The following FRMPD4 variants were observed in gnomAD, a reference collection of about 807,000 sequenced individuals.
The protein encoded by FRMPD4 is FERM and PDZ domain containing 4, also known as FERM and PDZ domain-containing protein 4.
FRMPD4 carries 22 observed loss-of-function variants against 94.1 expected under a neutral mutation model. The observed-to-expected ratio is 0.23, with a 90% CI of 0.17 to 0.33. FRMPD4 has a LOEUF of 0.33. Among genes scored for constraint, FRMPD4 ranks in the 10% least tolerant of loss-of-function variants. The pLI is 1.00. For synonymous variants in FRMPD4, 631 were observed against 548.6 expected (o/e 1.15, Z -2.10); for missense variants, 1,111 against 1,339.9 (o/e 0.83, Z 2.67).
intron 4 of FRMPD4, among the ~76,000 whole-genome samples, chrX:12,644,236 A>AT (rs899760565): frequency 9.1e-6 from 1 of 109,935 alleles, no homozygotes; most frequent in East Asian, 2.8e-4. Context: ...CACCTGGCTA[A>AT]TTTTTTTTTA....
intron 2 of FRMPD4, among the ~76,000 whole-genome samples, chrX:12,576,517 G>A (rs765753757): frequency 1.8e-5 from 2 of 112,765 alleles, no homozygotes; most frequent in Non-Finnish European, 3.7e-5. Context: ...CTCCATTTGT[G>A]AAACAAGAAA....
At chrX:12,593,201 G>A (rs2058998861) in intron 2 of FRMPD4, among the ~76,000 whole-genome samples, 1 of 112,004 alleles carries the variant, frequency 8.9e-6, no homozygotes, top group Non-Finnish European at 1.9e-5. Flanking sequence ...TGTGGGTCTG[G>A]AAATGTCTTT....
chrX:12,231,557 T>C (rs1290982596), intron 1 of FRMPD4, among the ~76,000 whole-genome samples: 1 of 110,939 alleles, frequency 9.0e-6, no homozygotes, highest in Non-Finnish European at 1.9e-5. Context: ...AGTTAAATGA[T>C]TAGTAGTTGC....
chrX:12,708,347 G>A (rs181122842), intron 13 of FRMPD4, among the ~76,000 whole-genome samples: 78 of 109,570 alleles, frequency 7.1e-4, no homozygotes, highest in African/African-American at 2.3e-3. Flanking sequence ...GCGTGCACCT[G>A]TAATCCCAGC....
intron 2 of FRMPD4, among the ~76,000 whole-genome samples, chrX:12,564,828 TGAGAGAGAGAGAGAGA>T (rs62871260): frequency 9.7e-6 from 1 of 103,300 alleles, no homozygotes; most frequent in African/African-American, 3.5e-5. Context: ...AGGAAATGCT[TGAGAGAGAGAGAGAGA>T]GAGAGAGAGA....
intron 1 of FRMPD4, among the ~76,000 whole-genome samples, chrX:12,165,570 T>A (rs1398567752): frequency 1.8e-5 from 2 of 112,083 alleles, no homozygotes; most frequent in Non-Finnish European, 3.8e-5. Flanking sequence ...AAGGTGGCTT[T>A]TTCCAATTCT....
intron 1 of FRMPD4, among the ~76,000 whole-genome samples, chrX:12,418,368 T>TC (rs1239726932): frequency 3.9e-5 from 4 of 101,741 alleles, no homozygotes; most frequent in African/African-American, 1.4e-4. Context: ...TTTTTTTTTT[T>TC]CTTTTTTTGA....
At chrX:12,309,782 A>G (rs758281643) in intron 1 of FRMPD4, among the ~76,000 whole-genome samples, 1 of 112,853 alleles carries the variant, frequency 8.9e-6, no homozygotes, top group Non-Finnish European at 1.9e-5. Context: ...GTCCTCTTAC[A>G]TGATACCTTG....
chrX:12,592,255 G>C (rs1298394883), intron 2 of FRMPD4, among the ~76,000 whole-genome samples: 1 of 111,497 alleles, frequency 9.0e-6, no homozygotes, highest in Admixed American at 9.5e-5. Flanking sequence ...TCTATTCTTC[G>C]TCGAACCTAA....
intron 3 of FRMPD4, among the ~76,000 whole-genome samples, chrX:12,027,399 C>T (rs749296725): frequency 3.0e-4 from 34 of 111,839 alleles, no homozygotes; most frequent in Non-Finnish European, 6.2e-4. Flanking sequence ...TTTCCTCAAC[C>T]ACATAAATAT....
chrX:12,251,563 G>A lies in FRMPD4; in HGVS notation c.41+112551G>A, dbSNP rs759740251. On this transcript the variant is annotated intron_variant, in intron 1 of 16. Coordinates refer to ENST00000675598, the MANE Select transcript of FRMPD4 (RefSeq NM_001368397.1). ...GCTCAGGCCGAAGCTACCCCTATGA[G>A]ACATTTCCAGGGTTCTGTTCTTCTT... Among the ~76,000 whole-genome samples, 281 of 111,777 alleles carry A rather than the reference G, an allele frequency of 2.5e-3. 2 individuals carry two copies. Among genetic ancestry groups the A allele is most frequent in the Non-Finnish European group, 4.6e-3 (246 of 53,121 alleles).
At chrX:12,204,872 CT>C (rs1478824935) in intron 1 of FRMPD4, among the ~76,000 whole-genome samples, 2 of 111,027 alleles carry the variant, frequency 1.8e-5, no homozygotes, top group Non-Finnish European at 3.8e-5. Flanking sequence ...CACTTGCCAT[CT>C]CCCGCATTCC....
intron 1 of FRMPD4, among the ~76,000 whole-genome samples, chrX:12,165,867 A>T (rs1433639625): frequency 9.0e-6 from 1 of 111,126 alleles, no homozygotes; most frequent in Non-Finnish European, 1.9e-5. Flanking sequence ...TTATTGGTGT[A>T]TAAGAATGCT....
At chrX:11,873,508 C>T (rs1028742991) in intron 2 of FRMPD4, among the ~76,000 whole-genome samples, 1 of 110,613 alleles carries the variant, frequency 9.0e-6, no homozygotes, top group Non-Finnish European at 1.9e-5. Flanking sequence ...GAATGTTACT[C>T]TTTGCTGCCC....
intron 1 of FRMPD4, among the ~76,000 whole-genome samples, chrX:12,175,153 G>A (rs1475150981): frequency 5.3e-5 from 6 of 112,159 alleles, no homozygotes; most frequent in African/African-American, 1.3e-4. Flanking sequence ...GGTAGGATTT[G>A]TTTAAAGTTT....
At chrX:12,052,095 A>C (rs948598203) in intron 3 of FRMPD4, among the ~76,000 whole-genome samples, 1 of 111,962 alleles carries the variant, frequency 8.9e-6, no homozygotes, top group African/African-American at 3.2e-5. Context: ...TTTTTTAACC[A>C]TATGAGATAT....
chrX:11,854,259 A>G (rs1404083887), intron 1 of FRMPD4, among the ~76,000 whole-genome samples: 1 of 111,496 alleles, frequency 9.0e-6, no homozygotes, highest in Non-Finnish European at 1.9e-5. Context: ...CTCCCTCAAC[A>G]CAAGGGGATT....
chrX:12,211,762 T>C, intron 1 of FRMPD4, among the ~76,000 whole-genome samples: 1 of 111,877 alleles, frequency 8.9e-6, no homozygotes, highest in African/African-American at 3.2e-5. Flanking sequence ...ATGCAAACAA[T>C]CAAAGCTTTC....
intron 1 of FRMPD4, among the ~76,000 whole-genome samples, chrX:12,277,352 C>T (rs1334968963): frequency 1.8e-5 from 2 of 111,658 alleles, no homozygotes; most frequent in Non-Finnish European, 3.8e-5. Flanking sequence ...TGGGAGCCCT[C>T]ATAGGAAATG....
Sources: allele counts gnomAD v4.1 joint callset (sites outside exome capture counted in the v4.1 genomes callset), GRCh38; gene constraint gnomAD v4.1.1; transcripts MANE v1.5; gene names NCBI Gene and HGNC (gene_info 2026-07-23, HGNC 2026-07-21).